The following QSOX1 variants were observed in gnomAD, a reference collection of about 807,000 sequenced individuals.
The protein encoded by QSOX1 is sulfhydryl oxidase 1.
Under a neutral mutation model 76.1 loss-of-function variants are expected in QSOX1, and 40 were observed. The observed-to-expected ratio is 0.53, with a 90% confidence interval of 0.41 to 0.68. The LOEUF is 0.68. Ranked by LOEUF, QSOX1 falls within the 30% of genes least tolerant of loss-of-function variation. The pLI is 0.00. For missense variants in QSOX1, 931 were observed against 974.3 expected (o/e 0.96, Z 0.59); for synonymous variants, 392 against 413.1 (o/e 0.95, Z 0.62).
chr1:180,195,714 G>A (rs762747775), intron 11 of QSOX1, among the ~76,000 whole-genome samples: 2 of 152,216 alleles, frequency 1.3e-5, no homozygotes, highest in African/African-American at 2.4e-5. Flanking sequence ...CCAGAGGGCT[G>A]CTGCTGGGTA....
At chr1:180,176,097 G>C (rs1662885732) in intron 4 of QSOX1, 64 bp downstream of exon 4, 1 of 1,366,612 alleles carries the variant, frequency 7.3e-7, no homozygotes, top group Non-Finnish European at 1.0e-6. Flanking sequence ...GGAGTGAGAG[G>C]GTGGTGGGAA....
At chr1:180,174,122 A>G (rs1040410692) in intron 2 of QSOX1, among the ~76,000 whole-genome samples, 21 of 152,262 alleles carry the variant, frequency 1.4e-4, no homozygotes, top group Non-Finnish European at 2.4e-4. Flanking sequence ...CCCCGAGGCT[A>G]GAGTCCCACA....
intron 11 of QSOX1, among the ~76,000 whole-genome samples, chr1:180,194,823 CT>C (rs1032597662): frequency 2.6e-5 from 4 of 152,166 alleles, no homozygotes; most frequent in Admixed American, 2.6e-4. Flanking sequence ...AGGAGGGAGC[CT>C]TGCCCTCTGC....
At chr1:180,171,085 G>A (rs530333342) in intron 2 of QSOX1, among the ~76,000 whole-genome samples, 1 of 152,296 alleles carries the variant, frequency 6.6e-6, no homozygotes, top group East Asian at 1.9e-4. Context: ...GGAGCAAAAT[G>A]TTCAGACCAG....
rs1435494087 is a variant in QSOX1, at chr1:180,202,330, TAGGAAAGTGGGCTTCAG to T, written c.*5294_*5310del. On this transcript the variant is annotated 3_prime_UTR_variant, in exon 12 of 12. Coordinates refer to ENST00000367602, the MANE Select transcript of QSOX1 (RefSeq NM_002826.5). ...TTTCCTGGGGCTGCATGTTCTTCCA[TAGGAAAGTGGGCTTCAG>T]GTGCTGCCTATTAAACCTCCTGCCT... 1 of 152,300 alleles carries T rather than the reference TAGGAAAGTGGGCTTCAG, an allele frequency of 6.6e-6. No homozygotes were observed. Among genetic ancestry groups the T allele is most frequent in the Non-Finnish European group, 1.5e-5 (1 of 68,112 alleles). The allele number at this position is 152,300 out of a possible 1,614,324, so 9.4% of individuals were successfully genotyped here. A position where few individuals can be genotyped will look rare whatever the true frequency, so the allele number is the denominator to read the frequency against.
In QSOX1 at chr1:180,197,285, AG is replaced by A. The variant is rs1352801846; in HGVS notation, c.*251del. On this transcript the variant is annotated 3_prime_UTR_variant, in exon 12 of 12. Transcript: ENST00000367602. The stretch of plus-strand genomic sequence containing the variant: ...GAGGGCAGCCCCGGGCAGTGGGCAT[AG>A]GGCAGCTCAGTCCCTGGCCTCTTAG... The A allele has an allele frequency of 2.5e-6, 4 of 1,613,482 alleles. No individual in the cohort carries two copies. In the African/African-American group the frequency reaches 5.3e-5, roughly 22 times the overall value.
chr1:180,157,037 A>G (rs1380946686), intron 1 of QSOX1, among the ~76,000 whole-genome samples: 1 of 152,202 alleles, frequency 6.6e-6, no homozygotes, highest in Non-Finnish European at 1.5e-5. Flanking sequence ...TTGCATGTCT[A>G]GATACTGACC....
intron 10 of QSOX1, among the ~76,000 whole-genome samples, chr1:180,193,830 G>A (rs957587655): frequency 1.3e-5 from 2 of 152,146 alleles, no homozygotes; most frequent in Non-Finnish European, 2.9e-5. Context: ...AGCATGAGTG[G>A]GCAGGGGAGG....
rs1214895628 is a variant in QSOX1, at chr1:180,155,190, C to T, written c.265+18C>T. The T allele has an allele frequency of 2.0e-6, 3 of 1,472,804 alleles. No individual in the cohort carries two copies. Among genetic ancestry groups the T allele is most frequent in the African/African-American group, 2.9e-5 (2 of 68,276 alleles). 91.2% of individuals were successfully genotyped at this position (1,472,804 alleles called of 1,614,324 possible). ...CGTCAAAGGTGAGAAGCGGGGGCGG[C>T]CCGCTCCCCCGTGCCCCGCCGCCCG... On this transcript the variant is annotated intron_variant, in intron 1 of 11. Transcript: ENST00000367602.
intron 2 of QSOX1, among the ~76,000 whole-genome samples, chr1:180,173,586 G>A (rs906538620): frequency 1.9e-4 from 29 of 152,340 alleles, no homozygotes; most frequent in African/African-American, 7.0e-4. Flanking sequence ...GTCACAGGGA[G>A]CAGAAGGTTG....
chr1:180,178,815 C>A lies in QSOX1; in HGVS notation c.537C>A (p.Phe179Leu). The change falls in exon 5 of 12, where the codon TTC (phenylalanine) becomes TTA (leucine). Residue 179 changes from phenylalanine to leucine, a missense_variant. Coordinates refer to ENST00000367602, the MANE Select transcript of QSOX1 (RefSeq NM_002826.5). ...EPAKLEEIDGFFARNNEEYLA... is the reference protein window; with the variant it reads ...EPAKLEEIDGLFARNNEEYLA... ...GCAGGCTGGAGGAGATTGATGGATTCTTTGCGAGAAATAACGAAGAGTACC... is the reference window on the plus strand; with the variant it reads ...GCAGGCTGGAGGAGATTGATGGATTATTTGCGAGAAATAACGAAGAGTACC... 1 of 1,613,900 alleles carries A rather than the reference C, an allele frequency of 6.2e-7. No homozygotes were observed.
intron 7 of QSOX1, among the ~76,000 whole-genome samples, chr1:180,184,994 G>A (rs1042020036): frequency 6.6e-6 from 1 of 152,114 alleles, no homozygotes; most frequent in African/African-American, 2.4e-5. Flanking sequence ...TAATAGCTTG[G>A]GCTGGTGTAT....
intron 8 of QSOX1, 49 bp downstream of exon 8, chr1:180,186,231 A>C: frequency 6.5e-7 from 1 of 1,531,148 alleles, no homozygotes; most frequent in Non-Finnish European, 8.7e-7. Context: ...ACGGATGGTC[A>C]GTGTGCGTTC....
At chr1:180,178,956 T>G in intron 5 of QSOX1, 72 bp downstream of exon 5, 1 of 1,373,830 alleles carries the variant, frequency 7.3e-7, no homozygotes, top group Non-Finnish European at 1.0e-6. Flanking sequence ...GGAGCAGGGC[T>G]TTTCCTGCCA....
intron 1 of QSOX1, 106 bp downstream of exon 1, chr1:180,155,278 C>G: frequency 9.7e-7 from 1 of 1,032,776 alleles, no homozygotes; most frequent in Non-Finnish European, 1.3e-6. Context: ...TTCCAGTCAC[C>G]TCCGCCCACC....
chr1:180,164,416 A>G (rs1662563241), intron 1 of QSOX1, among the ~76,000 whole-genome samples: 1 of 151,594 alleles, frequency 6.6e-6, no homozygotes, highest in Non-Finnish European at 1.5e-5. Flanking sequence ...CCTCTTCCCA[A>G]CCCCCCACCC....
At chr1:180,191,827 A>G (rs576347720) in intron 10 of QSOX1, among the ~76,000 whole-genome samples, 31 of 152,274 alleles carry the variant, frequency 2.0e-4, no homozygotes, top group African/African-American at 7.5e-4. Flanking sequence ...GGCTGCACTC[A>G]CAAATGTCAG....
chr1:180,178,696 A>G, intron 4 of QSOX1, 98 bp from the exon 5 acceptor site: 1 of 1,092,938 alleles, frequency 9.1e-7, no homozygotes, highest in Admixed American at 1.7e-5. Context: ...CGGGATGGCC[A>G]TACCTGCAGC....
chr1:180,186,422 G>A (rs1663174046), intron 8 of QSOX1, among the ~76,000 whole-genome samples: 1 of 152,242 alleles, frequency 6.6e-6, no homozygotes, highest in Non-Finnish European at 1.5e-5. Flanking sequence ...GTGGGACACA[G>A]GGCCCGTGCC....
Sources: gnomAD v4.1 joint callset for allele counts (sites outside exome capture counted in the v4.1 genomes callset) on GRCh38, gnomAD v4.1.1 for gene constraint, MANE v1.5 for transcripts, NCBI Gene and HGNC (gene_info 2026-07-23, HGNC 2026-07-21) for gene names.